Variants in CERS6 observed in about 807,000 individuals in gnomAD.
CERS6 encodes the protein ceramide synthase 6.
Under a neutral mutation model 56.8 loss-of-function variants are expected in CERS6, and 26 were observed. That is an observed-to-expected ratio of 0.46 (90% CI 0.34 to 0.63). The LOEUF (loss-of-function observed/expected upper bound fraction) is 0.63, where lower values mean the gene tolerates loss of function less well. CERS6 is among the 30% of genes least tolerant of loss of function. CERS6 has a pLI of 0.01. For synonymous variants in CERS6, 164 were observed against 173.3 expected (o/e 0.95, Z 0.42); for missense variants, 415 against 467.5 (o/e 0.89, Z 1.04).
At chr2:168,541,212 C>T (rs1446491401) in intron 1 of CERS6, among the ~76,000 whole-genome samples, 1 of 152,200 alleles carries the variant, frequency 6.6e-6, no homozygotes, top group African/African-American at 2.4e-5. Flanking sequence ...GGATCTGCCT[C>T]CATGACCCGA....
chr2:168,617,812 G>A (rs546461124), intron 3 of CERS6, among the ~76,000 whole-genome samples: 2 of 152,242 alleles, frequency 1.3e-5, no homozygotes, highest in East Asian at 1.9e-4. Flanking sequence ...TTCAAAGTAC[G>A]ATTGGTACCA....
At chr2:168,729,270 A>G (rs1454410055) in intron 8 of CERS6, among the ~76,000 whole-genome samples, 2 of 152,214 alleles carry the variant, frequency 1.3e-5, no homozygotes, top group African/African-American at 2.4e-5. Flanking sequence ...AAAATTGTGT[A>G]TTTGACCAGG....
intron 1 of CERS6, among the ~76,000 whole-genome samples, chr2:168,523,851 G>GT (rs1042329133): frequency 6.6e-6 from 1 of 152,156 alleles, no homozygotes; most frequent in African/African-American, 2.4e-5. Flanking sequence ...TCCTAGGAGA[G>GT]TAATCAGTGG....
intron 1 of CERS6, among the ~76,000 whole-genome samples, chr2:168,494,136 A>G (rs1358702865): frequency 6.6e-6 from 1 of 152,152 alleles, no homozygotes; most frequent in Non-Finnish European, 1.5e-5. Context: ...CTGCCCCATC[A>G]CTTTTCCACT....
At chr2:168,744,980 C>T (rs184528609) in intron 8 of CERS6, among the ~76,000 whole-genome samples, 220 of 152,220 alleles carry the variant, frequency 1.4e-3, no homozygotes, top group African/African-American at 5.2e-3. Flanking sequence ...ATGTGGCAAG[C>T]GGCATTGCTT....
At chr2:168,700,872 T>C (rs1366112500) in intron 6 of CERS6, among the ~76,000 whole-genome samples, 1 of 152,212 alleles carries the variant, frequency 6.6e-6, no homozygotes, top group Non-Finnish European at 1.5e-5. Context: ...CCTTTCCTTG[T>C]AGTCATTAAG....
intron 4 of CERS6, among the ~76,000 whole-genome samples, chr2:168,671,619 G>GT (rs1312457676): frequency 6.6e-6 from 1 of 151,978 alleles, no homozygotes; most frequent in Non-Finnish European, 1.5e-5. Flanking sequence ...TCTATCTTTG[G>GT]TTAAAATTTG....
At chr2:168,660,202 G>A (rs975451521) in intron 4 of CERS6, among the ~76,000 whole-genome samples, 3 of 152,298 alleles carry the variant, frequency 2.0e-5, no homozygotes, top group Non-Finnish European at 4.4e-5. Context: ...TATGGGCACT[G>A]CCATCAAGTT....
chr2:168,676,496 G>A (rs1201730238), intron 4 of CERS6, among the ~76,000 whole-genome samples: 1 of 152,180 alleles, frequency 6.6e-6, no homozygotes, highest in Non-Finnish European at 1.5e-5. Flanking sequence ...AAGGTTCATA[G>A]TGGACTATAC....
chr2:168,482,467 G>A (rs1350046318), intron 1 of CERS6, among the ~76,000 whole-genome samples: 1 of 152,238 alleles, frequency 6.6e-6, no homozygotes, highest in African/African-American at 2.4e-5. Flanking sequence ...CCCAGAAAAT[G>A]CACAGTACAA....
At chr2:168,645,114 A>ATATATATATATAT (rs1559034012) in intron 4 of CERS6, among the ~76,000 whole-genome samples, 3 of 34,352 alleles carry the variant, frequency 8.7e-5, no homozygotes, top group Non-Finnish European at 1.7e-4. Context: ...AAAAAAAAAA[A>ATATATATATATAT]AAATATATAT....
chr2:168,717,241 G>A (rs1687246893), intron 7 of CERS6, among the ~76,000 whole-genome samples: 2 of 152,122 alleles, frequency 1.3e-5, no homozygotes, highest in African/African-American at 2.4e-5. Context: ...CATTCATGTA[G>A]TTTTGAAAAT....
intron 3 of CERS6, among the ~76,000 whole-genome samples, chr2:168,615,218 A>G (rs1684286555): frequency 6.6e-6 from 1 of 152,186 alleles, no homozygotes; most frequent in East Asian, 1.9e-4. Context: ...TCTGAACAGC[A>G]GCCTTGAACC....
intron 3 of CERS6, among the ~76,000 whole-genome samples, chr2:168,623,896 A>C (rs933300758): frequency 1.3e-5 from 2 of 152,192 alleles, no homozygotes. Flanking sequence ...TTCTTTCACA[A>C]AGTTACTTGT....
chr2:168,646,156 A>G (rs923353979), intron 4 of CERS6, among the ~76,000 whole-genome samples: 1 of 152,234 alleles, frequency 6.6e-6, no homozygotes, highest in African/African-American at 2.4e-5. Flanking sequence ...CACTCCCATC[A>G]ACAGTGTGTA....
chr2:168,585,657 T>G (rs1683523920), intron 3 of CERS6, among the ~76,000 whole-genome samples: 1 of 152,228 alleles, frequency 6.6e-6, no homozygotes, highest in African/African-American at 2.4e-5. Flanking sequence ...CTAATTGTTA[T>G]GATTACATTC....
intron 3 of CERS6, among the ~76,000 whole-genome samples, chr2:168,573,120 C>T (rs1696020777): frequency 6.6e-6 from 1 of 151,998 alleles, no homozygotes. Flanking sequence ...ACTGGGGCAC[C>T]AAAATTTCAC....
chr2:168,632,665 GA>G (rs997610491), intron 4 of CERS6, among the ~76,000 whole-genome samples: 2 of 152,128 alleles, frequency 1.3e-5, no homozygotes, highest in African/African-American at 4.8e-5. Context: ...TACTTATCTA[GA>G]AAAAATAGAA....
chr2:168,654,615 A>G (rs1315036941), intron 4 of CERS6, among the ~76,000 whole-genome samples: 1 of 151,614 alleles, frequency 6.6e-6, no homozygotes, highest in Non-Finnish European at 1.5e-5. Context: ...ACAGAAGCAC[A>G]TAGAATCTTG....
Sources: allele counts gnomAD v4.1 joint callset (sites outside exome capture counted in the v4.1 genomes callset), GRCh38; gene constraint gnomAD v4.1.1; transcripts MANE v1.5; gene names NCBI Gene and HGNC (gene_info 2026-07-23, HGNC 2026-07-21).